Variants in RHBDD3 observed in about 807,000 individuals in gnomAD.
RHBDD3 encodes rhomboid domain-containing protein 3.
Under a neutral mutation model 32.3 loss-of-function variants are expected in RHBDD3, and 34 were observed. The observed-to-expected ratio is 1.05, with a 90% CI of 0.80 to 1.40. The LOEUF is 1.40. RHBDD3 is among the 40% of genes most tolerant of loss of function. RHBDD3 has a pLI of 0.00. For synonymous variants in RHBDD3, 249 were observed against 239.1 expected, an observed-to-expected ratio of 1.04 and a Z score of -0.38; for missense variants, 482 against 492.6, an observed-to-expected ratio of 0.98 and a Z score of 0.20.
rs373482042 is a variant in RHBDD3 at position 29,260,205 on chromosome 22, G to A, written c.1016C>T (p.Thr339Met). The A allele has an allele frequency of 3.7e-5, 59 of 1,597,406 alleles. No individual in the cohort carries two copies. The highest frequency in any genetic ancestry group is 4.5e-5 in the East Asian group (2 of 44,244). ...LQQLERMGFP[T>M]EQAVVALAAT... ...TGCCAGTGCCACCACCGCCTGCTCC[G>A]TAGGGAAGCCCATGCGCTCCAGCTG... Residue 339 changes from threonine (T) to methionine (M), a missense_variant, in exon 7 of 7, where the codon ACG becomes ATG. Transcript: ENST00000216085.
rs1358715348 is a variant in RHBDD3 at position 29,260,361 on chromosome 22, T to C, written c.948A>G (p.Ala316=). ...AGACAGAGGACTTGGACAGCCATGG[T>C]GCGCTCTGGGGTTCCTGGGCTGGCC... is the stretch of plus-strand genomic sequence containing the variant. ...LDGPAQEPQS[A]PWLSKSSVSS... The change falls in exon 6 of 7, where the codon GCA becomes GCG. Residue 316 remains alanine, a synonymous_variant. Coordinates refer to ENST00000216085, the MANE Select transcript of RHBDD3 (RefSeq NM_012265.3). 1.2e-6 allele frequency: 2 copies of C among 1,611,864 alleles called. No homozygotes were observed. Among genetic ancestry groups the C allele is most frequent in the Admixed American group, 1.7e-5 (1 of 59,918 alleles).
intron 2 of RHBDD3, among the ~76,000 whole-genome samples, chr22:29,265,902 G>A (rs576593992): frequency 6.6e-6 from 1 of 152,124 alleles, no homozygotes; most frequent in South Asian, 2.1e-4. Flanking sequence ...AGAGACTTCT[G>A]AGTCCTGATA....
intron 3 of RHBDD3, chr22:29,264,553 A>G (rs1207396553): frequency 1.0e-6 from 1 of 984,308 alleles, no homozygotes; most frequent in Non-Finnish European, 1.2e-6. Context: ...CCTGGCTGAG[A>G]GCATGAAATG....
rs775208562 is a variant in RHBDD3, at chr22:29,260,387, C to A, written c.922G>T (p.Gly308Trp). The change falls in exon 6 of 7, where the codon GGG (glycine) becomes TGG (tryptophan). Residue 308 changes from glycine (G) to tryptophan (W), a missense_variant. By Grantham distance (184) the Gly-to-Trp change is radical (BLOSUM62 -2). Transcript: ENST00000216085. ...GCGCTCTGGGGTTCCTGGGCTGGCC[C>A]GTCAAGAAGCGAGGCCTGGATGCCC... is the stretch of plus-strand genomic sequence containing the variant. ...QEGIQASLLD[G>W]PAQEPQSAPW... The A allele has an allele frequency of 6.2e-7, 1 of 1,612,222 alleles. No individual in the cohort carries two copies. Among genetic ancestry groups the A allele is most frequent in the Non-Finnish European group, 8.5e-7 (1 of 1,179,644 alleles).
At chr22:29,268,114 T>C, upstream of RHBDD3, 1 of 617,966 alleles carries the variant, frequency 1.6e-6, no homozygotes, top group Non-Finnish European at 2.9e-6. Context: ...TTAGATGCTA[T>C]TTTGGCCCGA....
rs924097434 is a variant in RHBDD3, at chr22:29,267,933, T to C, written c.-380A>G. The C allele has an allele frequency of 3.1e-5, 9 of 287,238 alleles. No homozygotes were observed. The highest frequency in any genetic ancestry group is 1.1e-3 in the Middle Eastern group (1 of 948). The allele number at this position is 287,238 out of a possible 1,614,324, so 17.8% of individuals were successfully genotyped here. On this transcript the variant is annotated 5_prime_UTR_variant, in exon 1 of 7. Transcript: ENST00000216085. ...CCCGCGGATTAGTCAGCAGTTGTTC[T>C]AGTCCGGGTCCCTTCCCCCAGCCCT...
chr22:29,265,359 C>T (rs1280878657), intron 3 of RHBDD3, 120 bp downstream of exon 3: 10 of 785,860 alleles, frequency 1.3e-5, no homozygotes, highest in African/African-American at 1.8e-5. Context: ...CATGCTTTCC[C>T]GGGACACTGG....
At chr22:29,263,259 A>G (rs1471380070) in intron 4 of RHBDD3, among the ~76,000 whole-genome samples, 1 of 152,096 alleles carries the variant, frequency 6.6e-6, no homozygotes, top group African/African-American at 2.4e-5. Flanking sequence ...TGGCCAGGCT[A>G]GTCTCGAACT....
intron 2 of RHBDD3, among the ~76,000 whole-genome samples, chr22:29,266,581 C>G (rs1454227666): frequency 6.6e-6 from 1 of 152,214 alleles, no homozygotes; most frequent in African/African-American, 2.4e-5. Flanking sequence ...TCCAGCCTAG[C>G]TGGTCCCAGC....
In RHBDD3 at chr22:29,260,546, G is replaced by A; in HGVS notation, c.763C>T (p.Leu255=). The change falls in exon 6 of 7, where the codon CTG becomes TTG. Residue 255 remains leucine, a synonymous_variant. Transcript: ENST00000216085. ...ACAGGCCTCAGGCTTGGTGGGGGCA[G>A]GGCTGAGTCTTCCCAGTGGGACCAG... is the stretch of plus-strand genomic sequence containing the variant. The part of the protein sequence containing the change: ...DLWSHWEDSA[L]PPPSLRPVQP... 6.3e-7 allele frequency: 1 copy of A among 1,598,676 alleles called. No individual in the cohort carries two copies. Among genetic ancestry groups the A allele is most frequent in the Non-Finnish European group, 8.5e-7 (1 of 1,175,370 alleles).
rs1201072741 is a variant in RHBDD3, at chr22:29,260,046, A to C, written c.*14T>G. On this transcript the variant is annotated 3_prime_UTR_variant, in exon 7 of 7. Transcript: ENST00000216085. ...GCACCCAAGGGCCTGCCTGTGCCCCACTCTCTGCCTGGGCTAGGGAGGCCC... is the reference window on the plus strand; with the variant it reads ...GCACCCAAGGGCCTGCCTGTGCCCCCCTCTCTGCCTGGGCTAGGGAGGCCC... 3 of 1,552,738 alleles carry C rather than the reference A, an allele frequency of 1.9e-6. No individual in the cohort carries two copies. Among genetic ancestry groups the C allele is most frequent in the Non-Finnish European group, 2.6e-6 (3 of 1,148,600 alleles).
At chr22:29,268,031 C>A (rs2058268415), upstream of RHBDD3, 5 of 510,198 alleles carry the variant, frequency 9.8e-6, no homozygotes, top group Non-Finnish European at 1.4e-5. Context: ...CGGAACCATT[C>A]CAAACAGCCT....
chr22:29,260,005 T>C lies in RHBDD3; in HGVS notation c.*55A>G. 6.6e-7 allele frequency: 1 copy of C among 1,510,656 alleles called. No individual in the cohort carries two copies. The highest frequency in any genetic ancestry group is 8.9e-7 in the Non-Finnish European group (1 of 1,120,268). The allele number at this position is 1,510,656 out of a possible 1,614,324, so 93.6% of individuals were successfully genotyped here. On this transcript the variant is annotated 3_prime_UTR_variant, in exon 7 of 7. Transcript: ENST00000216085. ...AGAGTAGGAGCTCGGGCTACCCACA[T>C]GCAGCCCAGCCCTTAGCACCCAAGG... is the stretch of plus-strand genomic sequence containing the variant.
intron 5 of RHBDD3, 31 bp downstream of exon 5, chr22:29,260,671 C>A: frequency 1.3e-6 from 2 of 1,552,510 alleles, no homozygotes; most frequent in Admixed American, 1.9e-5. Flanking sequence ...GTGCCCACCA[C>A]CTGGACTGGC....
Position 29,260,145 on chromosome 22 carries a change from AAC to A in RHBDD3, c.1074_1075del (p.Leu359GlyfsTer8), listed in dbSNP as rs1167242768. On this transcript the variant is annotated frameshift_variant, in exon 7 of 7. Transcript: ENST00000216085. LOFTEE classifies it high-confidence loss of function. Reference sequence around the variant, plus strand: ...CTCAGTGCCCACTTGTCCTCCAACCAACAGTGACACGGCACCCTCCACACGGC... The same window carrying A: ...CTCAGTGCCCACTTGTCCTCCAACCAAGTGACACGGCACCCTCCACACGGC... The A allele has an allele frequency of 1.9e-5, 30 of 1,589,674 alleles. No homozygotes were observed. Among genetic ancestry groups the A allele is most frequent in the Non-Finnish European group, 2.5e-5 (29 of 1,168,354 alleles).
chr22:29,265,288 T>G (rs940159842), intron 3 of RHBDD3, 191 bp downstream of exon 3: 5 of 478,918 alleles, frequency 1.0e-5, no homozygotes, highest in African/African-American at 1.0e-4. Context: ...CAGCCCACCC[T>G]AGGGAGTCCT....
At position 29,260,237 on chromosome 22, in the gene RHBDD3, C is replaced by A; in HGVS notation, c.984G>T (p.Arg328=). 1 of 1,601,590 alleles carries A rather than the reference C, an allele frequency of 6.2e-7. No homozygotes were observed. Among genetic ancestry groups the A allele is most frequent in the Non-Finnish European group, 8.5e-7 (1 of 1,174,836 alleles). ...AGCCCATGCGCTCCAGCTGCTGCAG[C>A]CTGTTGGGGGTGGGGGGAGAAGTGG... The part of the protein sequence containing the change: ...WLSKSSVSSL[R]LQQLERMGFP... Residue 328 remains arginine (R), a splice_region_variant and synonymous_variant, in exon 7 of 7, where the codon CGG becomes CGT. Transcript: ENST00000216085.
Position 29,260,436 on chromosome 22 carries a change from G to A in RHBDD3, c.873C>T (p.Ala291=), listed in dbSNP as rs1469429130. The A allele has an allele frequency of 1.2e-6, 2 of 1,611,182 alleles. No homozygotes were observed. The change falls in exon 6 of 7, where the codon GCC becomes GCT. Residue 291 remains alanine (A), a synonymous_variant. Coordinates refer to ENST00000216085, the MANE Select transcript of RHBDD3 (RefSeq NM_012265.3). ...SFSPGTPMWA[A]LDEQMLQEGI... ...CCTCCTGCAGCATCTGCTCATCCAA[G>A]GCCGCCCACATCGGAGTCCCTGGGG...
At position 29,264,109 on chromosome 22, in the gene RHBDD3, C is replaced by T. The variant is rs755333823; in HGVS notation, c.258G>A (p.Thr86=). 1.2e-5 allele frequency: 19 copies of T among 1,585,548 alleles called. No individual in the cohort carries two copies. Among genetic ancestry groups the T allele is most frequent in the Admixed American group, 3.6e-5 (2 of 55,508 alleles). ...VGWQQECHLG[T]LRFLHASALL... ...GGGCTGAGGCATGCAGGAATCTCAG[C>T]GTGCCCAGGTGGCACTCCTGCTGCC... The change falls in exon 4 of 7, where the codon ACG becomes ACA. Residue 86 remains threonine, a synonymous_variant. Transcript: ENST00000216085.
Sources: gnomAD v4.1 joint callset for allele counts (sites outside exome capture counted in the v4.1 genomes callset) on GRCh38, gnomAD v4.1.1 for gene constraint, MANE v1.5 for transcripts, NCBI Gene and HGNC (gene_info 2026-07-23, HGNC 2026-07-21) for gene names.